RORB: variants seen among roughly 807,000 people sequenced by gnomAD.
RORB encodes RAR related orphan receptor B.
RORB carries 6 observed loss-of-function variants against 59.1 expected under a neutral mutation model. The observed-to-expected ratio is 0.10, with a 90% CI of 0.06 to 0.20. The LOEUF is 0.20. Ranked by LOEUF, RORB falls within the 10% of genes least tolerant of loss-of-function variation. The pLI is 1.00. For synonymous variants in RORB, 215 were observed against 204.5 expected, an observed-to-expected ratio of 1.05 and a Z score of -0.44; for missense variants, 320 against 560.5, an observed-to-expected ratio of 0.57 and a Z score of 4.33.
At chr9:74,672,511 G>T (rs1451915361) in intron 9 of RORB, among the ~76,000 whole-genome samples, 1 of 152,120 alleles carries the variant, frequency 6.6e-6, no homozygotes, top group Non-Finnish European at 1.5e-5. Context: ...TTGCCCTGAG[G>T]TTCTTTCAAA....
At position 74,580,700 on chromosome 9, in the gene RORB, A is replaced by T. The variant is rs532820237; in HGVS notation, c.8-49582A>T. 5.3e-5 allele frequency among the ~76,000 whole-genome samples: 8 copies of T among 152,288 alleles called. No individual in the cohort carries two copies. The East Asian group carries it at 1.5e-3, about 29-fold the overall frequency. ...TAGTTGCATTTTCCTTAAACTGCTGATCCCAACCAATTCACAGAAATCAGC... is the reference window on the plus strand; with the variant it reads ...TAGTTGCATTTTCCTTAAACTGCTGTTCCCAACCAATTCACAGAAATCAGC... On this transcript the variant is annotated intron_variant, in intron 1 of 9. Coordinates refer to ENST00000376896, the MANE Select transcript of RORB (RefSeq NM_006914.4).
rs76533274 is a variant in RORB at position 74,638,076 on chromosome 9, G to A, written c.235+3304G>A. Reference sequence around the variant, plus strand: ...GTGGCAGAAGAGGCACATCTCTGAAGCTGAAAAGAGTTAAATTGAGACCAG... The same window carrying A: ...GTGGCAGAAGAGGCACATCTCTGAAACTGAAAAGAGTTAAATTGAGACCAG... On this transcript the variant is annotated intron_variant, in intron 3 of 9. Transcript: ENST00000376896. Among the ~76,000 whole-genome samples, 743 of 152,272 alleles carry A rather than the reference G, an allele frequency of 4.9e-3. 12 individuals are homozygous for A. The highest frequency in any genetic ancestry group is 0.017 in the African/African-American group (702 of 41,570).
chr9:74,526,641 T>G (rs755125211), intron 1 of RORB, among the ~76,000 whole-genome samples: 33 of 151,976 alleles, frequency 2.2e-4, no homozygotes, highest in Non-Finnish European at 4.6e-4. Context: ...AAGGTGTATT[T>G]TCTTAGATGC....
intron 1 of RORB, among the ~76,000 whole-genome samples, chr9:74,534,237 A>G (rs1002386652): frequency 6.6e-6 from 1 of 152,024 alleles, no homozygotes; most frequent in African/African-American, 2.4e-5. Flanking sequence ...AGTTTCTCTC[A>G]GATACGGAAT....
chr9:74,529,058 A>G (rs1292590696), intron 1 of RORB, among the ~76,000 whole-genome samples: 1 of 152,008 alleles, frequency 6.6e-6, no homozygotes, highest in East Asian at 1.9e-4. Context: ...TTCGTTATCT[A>G]TGAAGATGGT....
chr9:74,532,612 A>G (rs976821972), intron 1 of RORB, among the ~76,000 whole-genome samples: 1 of 151,658 alleles, frequency 6.6e-6, no homozygotes, highest in Non-Finnish European at 1.5e-5. Context: ...AGCATATTCC[A>G]TGAGCTAAAA....
intron 4 of RORB, among the ~76,000 whole-genome samples, chr9:74,645,400 C>G (rs17691906): frequency 0.01 from 1,538 of 152,266 alleles, 15 homozygotes; most frequent in Admixed American, 0.016. Context: ...ACTAAGAACT[C>G]TGCTTCTGGA....
intron 1 of RORB, among the ~76,000 whole-genome samples, chr9:74,507,008 C>T (rs1308384797): frequency 6.6e-6 from 1 of 152,018 alleles, no homozygotes; most frequent in African/African-American, 2.4e-5. Context: ...TCTCCTGTAA[C>T]TTTTACTAGC....
At chr9:74,535,065 TG>T (rs765866789) in intron 1 of RORB, among the ~76,000 whole-genome samples, 1 of 152,070 alleles carries the variant, frequency 6.6e-6, no homozygotes, top group Non-Finnish European at 1.5e-5. Flanking sequence ...ATCACAAGAC[TG>T]GCAATTTGGA....
intron 1 of RORB, among the ~76,000 whole-genome samples, chr9:74,530,555 A>G (rs1371447991): frequency 6.6e-6 from 1 of 152,026 alleles, no homozygotes; most frequent in Non-Finnish European, 1.5e-5. Flanking sequence ...ACTGATCTGC[A>G]AATCAGGCAA....
At chr9:74,535,434 C>A (rs1323313626) in intron 1 of RORB, among the ~76,000 whole-genome samples, 2 of 151,862 alleles carry the variant, frequency 1.3e-5, no homozygotes, top group African/African-American at 4.8e-5. Context: ...CCTAGGATGG[C>A]AGAATGGAAA....
At position 74,507,115 on chromosome 9, in the gene RORB, A is replaced by G. The variant is rs573999612; in HGVS notation, c.7+9132A>G. 3.3e-5 allele frequency among the ~76,000 whole-genome samples: 5 copies of G among 152,224 alleles called. No homozygotes were observed. The East Asian group carries it at 9.6e-4, about 29-fold the overall frequency. Reference sequence around the variant, plus strand: ...GTCTCTGGTGTTCCTAGGTTATGTGACAATGGACACATACAACCACTTCAT... The same window carrying G: ...GTCTCTGGTGTTCCTAGGTTATGTGGCAATGGACACATACAACCACTTCAT... On this transcript the variant is annotated intron_variant, in intron 1 of 9. Coordinates refer to ENST00000376896, the MANE Select transcript of RORB (RefSeq NM_006914.4).
At chr9:74,619,776 T>C (rs189456963) in intron 1 of RORB, among the ~76,000 whole-genome samples, 91 of 150,824 alleles carry the variant, frequency 6.0e-4, no homozygotes, top group Non-Finnish European at 1.0e-3. Context: ...GTCGAAGACC[T>C]TTTCTGCATC....
intron 9 of RORB, among the ~76,000 whole-genome samples, chr9:74,678,562 T>A (rs1175824619): frequency 1.3e-5 from 2 of 152,176 alleles, no homozygotes; most frequent in African/African-American, 4.8e-5. Flanking sequence ...TTGAAAGAAA[T>A]CATTTCTGGT....
At chr9:74,503,528 T>A (rs994265667) in intron 1 of RORB, among the ~76,000 whole-genome samples, 1 of 152,040 alleles carries the variant, frequency 6.6e-6, no homozygotes, top group Non-Finnish European at 1.5e-5. Context: ...TGAATACACG[T>A]GGTACTAGAG....
In RORB at chr9:74,602,967, A is replaced by G. The variant is rs145832995; in HGVS notation, c.8-27315A>G. 4.6e-3 allele frequency among the ~76,000 whole-genome samples: 698 copies of G among 152,308 alleles called. 3 individuals carry two copies. Among genetic ancestry groups the G allele is most frequent in the Non-Finnish European group, 6.3e-3 (428 of 68,034 alleles). On this transcript the variant is annotated intron_variant, in intron 1 of 9. Coordinates refer to ENST00000376896, the MANE Select transcript of RORB (RefSeq NM_006914.4). ...ACTAGCTCATGTAACTAGCTAATGT[A>G]AACGAGTATAAGCCCAGGCATTTAG...
In RORB at chr9:74,518,269, T is replaced by C. The variant is rs190715903; in HGVS notation, c.7+20286T>C. Among the ~76,000 whole-genome samples the C allele has an allele frequency of 2.0e-5, 3 of 152,136 alleles. No homozygotes were observed. The East Asian group carries it at 5.8e-4, about 30-fold the overall frequency. ...AAGCTTCCCTCCGTGGCACCGTTAA[T>C]TGAACATGTGAAATGAGAGGAAGAT... On this transcript the variant is annotated intron_variant, in intron 1 of 9. Transcript: ENST00000376896.
Position 74,649,133 on chromosome 9 carries a change from A to G in RORB, c.637+6318A>G, listed in dbSNP as rs147518545. Among the ~76,000 whole-genome samples the G allele has an allele frequency of 6.0e-3, 914 of 152,108 alleles. 12 individuals are homozygous for G. The highest frequency in any genetic ancestry group is 0.021 in the African/African-American group (878 of 41,514). Reference sequence around the variant, plus strand: ...CCTGGCTAACTTTTGTGTTTTTAGTAGAGACAGGGTTTCACCATGTTGACT... The same window carrying G: ...CCTGGCTAACTTTTGTGTTTTTAGTGGAGACAGGGTTTCACCATGTTGACT... On this transcript the variant is annotated intron_variant, in intron 4 of 9. Transcript: ENST00000376896.
At chr9:74,664,585 G>C (rs1041446771) in intron 6 of RORB, among the ~76,000 whole-genome samples, 4 of 151,624 alleles carry the variant, frequency 2.6e-5, no homozygotes, top group African/African-American at 9.7e-5. Flanking sequence ...CCCATCTACT[G>C]TTTGTGTCAG....
Sources: allele counts gnomAD v4.1 joint callset (sites outside exome capture counted in the v4.1 genomes callset), GRCh38; gene constraint gnomAD v4.1.1; transcripts MANE v1.5; gene names NCBI Gene and HGNC (gene_info 2026-07-23, HGNC 2026-07-21).